The following PDE4D variants were observed in gnomAD, a reference collection of about 807,000 sequenced individuals.
PDE4D encodes 3',5'-cyclic-AMP phosphodiesterase 4D.
A neutral mutation model predicts 87.4 loss-of-function variants in PDE4D; 24 were observed. The observed-to-expected ratio is 0.27, with a 90% CI of 0.20 to 0.39. The LOEUF (loss-of-function observed/expected upper bound fraction) is 0.39. PDE4D is among the 10% of genes least tolerant of loss of function. The pLI is 1.00. For synonymous variants in PDE4D, 384 were observed against 383.2 expected (o/e 1.00, Z -0.02); for missense variants, 714 against 1,041.0 (o/e 0.69, Z 4.32).
At chr5:59,748,305 A>G (rs1759920270) in intron 1 of PDE4D, among the ~76,000 whole-genome samples, 1 of 152,178 alleles carries the variant, frequency 6.6e-6, no homozygotes, top group Admixed American at 6.5e-5. Context: ...TACTGGGTAC[A>G]TACCCAAAGG....
chr5:60,108,152 T>G (rs894859237), intron 2 of PDE4D, among the ~76,000 whole-genome samples: 3 of 151,806 alleles, frequency 2.0e-5, no homozygotes, highest in Middle Eastern at 3.4e-3. Context: ...ATAAGCAACT[T>G]CAGCAAAGTC....
intron 1 of PDE4D, among the ~76,000 whole-genome samples, chr5:59,803,191 T>C (rs768920561): frequency 4.9e-4 from 74 of 152,068 alleles, no homozygotes; most frequent in Non-Finnish European, 9.7e-4. Context: ...GTTCTCAGAA[T>C]GTGGAGCCAG....
chr5:60,063,154 G>GA (rs1771663633), intron 2 of PDE4D, among the ~76,000 whole-genome samples: 1 of 147,690 alleles, frequency 6.8e-6, no homozygotes, highest in Non-Finnish European at 1.5e-5. Context: ...AAGAAAGAAA[G>GA]AAGGAAAGAA....
chr5:59,231,103 A>G (rs1755086393), intron 1 of PDE4D, among the ~76,000 whole-genome samples: 1 of 152,208 alleles, frequency 6.6e-6, no homozygotes, highest in East Asian at 1.9e-4. Context: ...ATTATCTTTT[A>G]AAAGTTTTAA....
chr5:59,344,090 A>AT (rs1357741908), intron 1 of PDE4D, among the ~76,000 whole-genome samples: 2 of 152,230 alleles, frequency 1.3e-5, no homozygotes, highest in African/African-American at 4.8e-5. Flanking sequence ...GGATTTGAAT[A>AT]TTTAAAAGTA....
At chr5:59,649,221 C>T (rs1188244345) in intron 1 of PDE4D, among the ~76,000 whole-genome samples, 1 of 152,200 alleles carries the variant, frequency 6.6e-6, no homozygotes, top group Admixed American at 6.5e-5. Context: ...CAAGATTTTA[C>T]TGCCTTGGTG....
chr5:59,048,097 G>A (rs769034122), intron 5 of PDE4D, among the ~76,000 whole-genome samples: 7 of 152,150 alleles, frequency 4.6e-5, no homozygotes, highest in Non-Finnish European at 8.8e-5. Flanking sequence ...ACAGGTTTGC[G>A]CTAAGATAAT....
chr5:59,726,212 A>G (rs1756571299), intron 1 of PDE4D, among the ~76,000 whole-genome samples: 2 of 152,134 alleles, frequency 1.3e-5, no homozygotes, highest in African/African-American at 2.4e-5. Flanking sequence ...AATGAGTTTC[A>G]GGCATTAGAT....
intron 1 of PDE4D, among the ~76,000 whole-genome samples, chr5:60,288,073 TA>T (rs1024767326): frequency 6.6e-6 from 1 of 152,250 alleles, no homozygotes; most frequent in African/African-American, 2.4e-5. Flanking sequence ...AGGGTCTTCT[TA>T]ACCTCTGCAG....
intron 6 of PDE4D, among the ~76,000 whole-genome samples, chr5:59,028,244 AATAAAACAT>A (rs1357426734): frequency 6.6e-6 from 1 of 152,084 alleles, no homozygotes; most frequent in Non-Finnish European, 1.5e-5. Flanking sequence ...AAAATAAAGG[AATAAAACAT>A]ATAAAACACC....
At chr5:60,194,056 T>C (rs929100042) in intron 1 of PDE4D, among the ~76,000 whole-genome samples, 2 of 151,598 alleles carry the variant, frequency 1.3e-5, no homozygotes, top group African/African-American at 4.8e-5. Context: ...GAGTCTCTCC[T>C]CTTGTAAAAA....
chr5:59,015,069 T>C (rs1753698216), intron 6 of PDE4D, among the ~76,000 whole-genome samples: 1 of 152,182 alleles, frequency 6.6e-6, no homozygotes, highest in South Asian at 2.1e-4. Context: ...TGGCTAGCCA[T>C]ATGTAGAAAG....
At chr5:59,210,653 T>C (rs191215708) in intron 2 of PDE4D, among the ~76,000 whole-genome samples, 35 of 152,300 alleles carry the variant, frequency 2.3e-4, no homozygotes, top group Admixed American at 1.6e-3. Flanking sequence ...ATCTACTCAC[T>C]TCCTCGTCAC....
chr5:59,416,599 C>A (rs558186605), intron 1 of PDE4D, among the ~76,000 whole-genome samples: 1 of 152,254 alleles, frequency 6.6e-6, no homozygotes, highest in South Asian at 2.1e-4. Flanking sequence ...CGGGTAGTAT[C>A]ATTTATAAAG....
At chr5:59,738,244 C>A (rs1232062889) in intron 1 of PDE4D, among the ~76,000 whole-genome samples, 1 of 152,112 alleles carries the variant, frequency 6.6e-6, no homozygotes, top group Admixed American at 6.6e-5. Flanking sequence ...CATACATAAG[C>A]TGACATATTT....
intron 6 of PDE4D, among the ~76,000 whole-genome samples, chr5:59,017,899 G>C (rs1267850069): frequency 6.6e-6 from 1 of 152,224 alleles, no homozygotes; most frequent in Non-Finnish European, 1.5e-5. Context: ...CAACAGGTTA[G>C]TAGTGTATGA....
intron 1 of PDE4D, among the ~76,000 whole-genome samples, chr5:59,474,099 G>T (rs1404540195): frequency 6.6e-6 from 1 of 151,976 alleles, no homozygotes. Context: ...CTAAAATCAC[G>T]GTGTGTGTGT....
At chr5:60,372,116 G>A (rs1291291512) in intron 1 of PDE4D, among the ~76,000 whole-genome samples, 4 of 145,278 alleles carry the variant, frequency 2.8e-5, no homozygotes, top group South Asian at 4.4e-4. Flanking sequence ...CTGCCCCACC[G>A]TCTCACAACA....
chr5:60,439,294 G>A (rs1303707694), intron 1 of PDE4D, among the ~76,000 whole-genome samples: 1 of 152,002 alleles, frequency 6.6e-6, no homozygotes, highest in Non-Finnish European at 1.5e-5. Context: ...CAAATGGACT[G>A]TGGATAATGA....
Sources: allele counts gnomAD v4.1 joint callset (sites outside exome capture counted in the v4.1 genomes callset), GRCh38; gene constraint gnomAD v4.1.1; transcripts MANE v1.5; gene names NCBI Gene and HGNC (gene_info 2026-07-23, HGNC 2026-07-21).